ZNF420: variants seen among roughly 807,000 people sequenced by gnomAD.
The protein encoded by ZNF420 is ATM and p53-associated KZNF protein.
Under a neutral mutation model 44.7 loss-of-function variants are expected in ZNF420, and 31 were observed. The ratio of observed to expected loss-of-function variants is 0.69; its 90% CI spans 0.52 to 0.94. The LOEUF (loss-of-function observed/expected upper bound fraction) is 0.94, where lower values mean the gene tolerates loss of function less well. Ranked by LOEUF, ZNF420 falls within the 40% of genes least tolerant of loss-of-function variation. The pLI, the probability that ZNF420 is intolerant of heterozygous loss-of-function variation, is 0.00. For synonymous variants in ZNF420, 245 were observed against 267.4 expected (o/e 0.92, Z 0.82); for missense variants, 681 against 827.9 (o/e 0.82, Z 2.18).
intron 1 of ZNF420, among the ~76,000 whole-genome samples, chr19:37,072,104 G>C (rs986031756): frequency 6.6e-6 from 1 of 152,004 alleles, no homozygotes; most frequent in African/African-American, 2.4e-5. Flanking sequence ...AAAAACCAAC[G>C]GTTTCATTCT....
chr19:37,079,430 C>A lies in ZNF420; in HGVS notation c.-125+860C>A, dbSNP rs73625241. On this transcript the variant is annotated intron_variant, in intron 1 of 4. Transcript: ENST00000337995. ...GTGGCTCTGTGCTCCTCCCATGTGG[C>A]TCTGAGGACTTAAGGACTTTTTGAT... Among the ~76,000 whole-genome samples the A allele has an allele frequency of 2.0e-5, 3 of 152,150 alleles. No homozygotes were observed. The South Asian group carries it at 6.2e-4, about 31-fold the overall frequency.
At chr19:37,098,232 A>G (rs1323644657) in intron 4 of ZNF420, among the ~76,000 whole-genome samples, 3 of 152,138 alleles carry the variant, frequency 2.0e-5, no homozygotes, top group African/African-American at 7.2e-5. Context: ...GATTACAGGT[A>G]TAAGCCACCA....
chr19:37,008,747 G>A (rs2074547154), intron 1 of ZNF420, among the ~76,000 whole-genome samples: 1 of 152,208 alleles, frequency 6.6e-6, no homozygotes, highest in South Asian at 2.1e-4. Flanking sequence ...CGGTGGCACT[G>A]TGCTGTATCC....
chr19:37,053,539 G>A (rs376468645), intron 1 of ZNF420, among the ~76,000 whole-genome samples: 32 of 152,210 alleles, frequency 2.1e-4, no homozygotes, highest in Admixed American at 3.9e-4. Context: ...TGGGGTTTTG[G>A]TGTGGATGTC....
chr19:37,033,784 T>C (rs112396757), intron 1 of ZNF420, among the ~76,000 whole-genome samples: 2,002 of 152,136 alleles, frequency 0.013, 47 homozygotes, highest in African/African-American at 0.045. Flanking sequence ...TGAGACAGAG[T>C]CTCACTCTAT....
intron 1 of ZNF420, among the ~76,000 whole-genome samples, chr19:37,022,371 T>C (rs1055976290): frequency 6.6e-6 from 1 of 152,164 alleles, no homozygotes; most frequent in African/African-American, 2.4e-5. Context: ...TAAATTATTA[T>C]TTTCACACTT....
In ZNF420 at chr19:37,047,636, A is replaced by G. The variant is rs1317234070; in HGVS notation, c.-124-32709A>G. Among the ~76,000 whole-genome samples the G allele has an allele frequency of 3.3e-5, 5 of 152,214 alleles. No homozygotes were observed. In the East Asian group the frequency reaches 9.7e-4, roughly 29 times the overall value. ...CTAGCAGTGTGCCATTTTATATTTG[A>G]TCCTTCGTAATATCTCTTACTTTTG... On this transcript the variant is annotated intron_variant, in intron 1 of 4. Coordinates refer to the ZNF420 transcript ENST00000587029.
intron 1 of ZNF420, among the ~76,000 whole-genome samples, chr19:37,038,360 G>A (rs1459704882): frequency 1.3e-5 from 2 of 152,166 alleles, no homozygotes; most frequent in East Asian, 3.9e-4. Flanking sequence ...TGGAGTGGGT[G>A]TGGCAATTCC....
intron 1 of ZNF420, among the ~76,000 whole-genome samples, chr19:37,044,238 T>C (rs996188718): frequency 1.3e-5 from 2 of 152,244 alleles, no homozygotes; most frequent in Admixed American, 1.3e-4. Flanking sequence ...AAGGATGGGC[T>C]GAGCACAGTG....
chr19:37,062,331 C>T (rs1180365161), intron 1 of ZNF420, among the ~76,000 whole-genome samples: 3 of 152,130 alleles, frequency 2.0e-5, no homozygotes, highest in African/African-American at 7.2e-5. Context: ...AGAGGAGGAA[C>T]ATCTCATTTT....
chr19:37,016,799 G>C (rs987803435), intron 1 of ZNF420, among the ~76,000 whole-genome samples: 1 of 152,204 alleles, frequency 6.6e-6, no homozygotes, highest in Non-Finnish European at 1.5e-5. Context: ...TTTGGTAGTA[G>C]GGCCAAGGCC....
chr19:37,112,184 T>C (rs890388118), intron 4 of ZNF420, among the ~76,000 whole-genome samples: 4 of 152,168 alleles, frequency 2.6e-5, no homozygotes, highest in African/African-American at 7.2e-5. Context: ...TGCTGCTGTT[T>C]CTTGATTTCC....
intron 1 of ZNF420, among the ~76,000 whole-genome samples, chr19:37,047,474 CAG>C (rs1401700197): frequency 6.6e-6 from 1 of 152,206 alleles, no homozygotes; most frequent in Non-Finnish European, 1.5e-5. Context: ...CTTGGACTTC[CAG>C]CCTATGGAAC....
intron 4 of ZNF420, among the ~76,000 whole-genome samples, chr19:37,102,420 C>T (rs905967322): frequency 2.0e-5 from 3 of 152,180 alleles, no homozygotes; most frequent in Non-Finnish European, 4.4e-5. Context: ...AGGTTCACTA[C>T]CAGGACTGTT....
chr19:37,025,960 G>T (rs1483742828), intron 1 of ZNF420, among the ~76,000 whole-genome samples: 1 of 151,476 alleles, frequency 6.6e-6, no homozygotes, highest in Non-Finnish European at 1.5e-5. Context: ...CTTCTTTACT[G>T]AGTAATTCAT....
At chr19:37,105,563 T>C (rs781662632) in intron 4 of ZNF420, among the ~76,000 whole-genome samples, 1 of 152,232 alleles carries the variant, frequency 6.6e-6, no homozygotes, top group African/African-American at 2.4e-5. Context: ...GGGGATGGCA[T>C]TGAATCTATA....
Position 37,091,037 on chromosome 19 carries a change from G to T in ZNF420, c.52G>T (p.Glu18Ter). 1 of 1,613,570 alleles carries T rather than the reference G, an allele frequency of 6.2e-7. No individual in the cohort carries two copies. The highest frequency in any genetic ancestry group is 8.5e-7 in the Non-Finnish European group (1 of 1,179,848). ...FRDVAIDFSQ[E>*]EWECLDSAQR... ...GGATGTTGCCATTGACTTCTCTCAG[G>T]AAGAGTGGGAATGCCTGGACTCTGC... Residue 18 changes from glutamate to a stop codon, truncating the protein, a stop_gained, in exon 4 of 5, where the codon GAA becomes TAA. Coordinates refer to ENST00000337995, the MANE Select transcript of ZNF420 (RefSeq NM_144689.5). LOFTEE classifies it high-confidence loss of function.
chr19:37,081,677 G>A (rs1303670816), intron 2 of ZNF420, among the ~76,000 whole-genome samples: 2 of 146,786 alleles, frequency 1.4e-5, no homozygotes, highest in Non-Finnish European at 3.0e-5. Flanking sequence ...AGGCGGGCAC[G>A]ACCATGCCCA....
intron 1 of ZNF420, among the ~76,000 whole-genome samples, chr19:37,053,184 A>T (rs1228481154): frequency 1.3e-5 from 2 of 151,250 alleles, no homozygotes; most frequent in Non-Finnish European, 2.9e-5. Context: ...TTCATCACAT[A>T]GTTTTCGTGC....
Sources: allele counts gnomAD v4.1 joint callset (sites outside exome capture counted in the v4.1 genomes callset), GRCh38; gene constraint gnomAD v4.1.1; transcripts MANE v1.5; gene names NCBI Gene and HGNC (gene_info 2026-07-23, HGNC 2026-07-21).